The following KIZ variants were observed in gnomAD, a reference collection of about 807,000 sequenced individuals.
The protein encoded by KIZ is kizuna centrosomal protein, also known as centrosomal protein kizuna.
A neutral mutation model predicts 79.6 loss-of-function variants in KIZ; 68 were observed. That is an observed-to-expected ratio of 0.85 (90% CI 0.70 to 1.05). KIZ has a LOEUF of 1.05. KIZ is among the 50% of genes least tolerant of loss of function. KIZ has a pLI of 0.00. For missense variants in KIZ, 797 were observed against 800.4 expected, an observed-to-expected ratio of 1.00 and a Z score of 0.05; for synonymous variants, 280 against 281.8, an observed-to-expected ratio of 0.99 and a Z score of 0.06.
chr20:21,187,937 C>T (rs914681563), intron 6 of KIZ, among the ~76,000 whole-genome samples: 38 of 152,314 alleles, frequency 2.5e-4, no homozygotes, highest in Non-Finnish European at 5.1e-4. Flanking sequence ...CATTTACCCT[C>T]GTTGGGCCTC....
intron 4 of KIZ, among the ~76,000 whole-genome samples, chr20:21,147,961 T>TTG (rs61333547): frequency 0.17 from 24,470 of 141,014 alleles, 3,850 homozygotes; most frequent in African/African-American, 0.42. Context: ...CTCCTGGAAT[T>TTG]TGTGTGTGTG....
At chr20:21,205,862 G>A (rs772035652) in intron 7 of KIZ, among the ~76,000 whole-genome samples, 6 of 151,732 alleles carry the variant, frequency 4.0e-5, no homozygotes, top group East Asian at 3.9e-4. Context: ...TTGGGAGGCC[G>A]AGGCAGGAGA....
chr20:21,235,589 T>C (rs2036977493), intron 11 of KIZ, among the ~76,000 whole-genome samples: 1 of 152,158 alleles, frequency 6.6e-6, no homozygotes, highest in African/African-American at 2.4e-5. Context: ...CAGCAAGCGG[T>C]TTTCACTCTC....
chr20:21,239,719 C>G (rs1330630893), intron 11 of KIZ, among the ~76,000 whole-genome samples: 1 of 152,196 alleles, frequency 6.6e-6, no homozygotes, highest in African/African-American at 2.4e-5. Flanking sequence ...TTACTGTTTT[C>G]CATAGTGCAC....
intron 6 of KIZ, among the ~76,000 whole-genome samples, chr20:21,191,718 G>T (rs567997764): frequency 6.6e-6 from 1 of 152,116 alleles, no homozygotes; most frequent in Non-Finnish European, 1.5e-5. Context: ...AAGAGAACAG[G>T]GGGGGAAGCA....
intron 6 of KIZ, among the ~76,000 whole-genome samples, chr20:21,183,959 A>G (rs76845138): frequency 0.014 from 2,085 of 152,148 alleles, 56 homozygotes; most frequent in African/African-American, 0.048. Context: ...TGACCACATC[A>G]TATGCCCATC....
chr20:21,188,887 T>C (rs904407212), intron 6 of KIZ, among the ~76,000 whole-genome samples: 14 of 151,954 alleles, frequency 9.2e-5, no homozygotes, highest in Admixed American at 1.3e-4. Context: ...TGTGTGTTTT[T>C]TTGGTAGAGA....
intron 1 of KIZ, among the ~76,000 whole-genome samples, chr20:21,128,595 A>C (rs940596573): frequency 6.6e-6 from 1 of 152,206 alleles, no homozygotes. Flanking sequence ...TATCGTCTGA[A>C]TGTTTTCCTA....
At chr20:21,181,339 T>C (rs888665642) in intron 6 of KIZ, among the ~76,000 whole-genome samples, 1 of 152,216 alleles carries the variant, frequency 6.6e-6, no homozygotes, top group Non-Finnish European at 1.5e-5. Flanking sequence ...TTAACTCAGA[T>C]TTTTTAAAAG....
intron 3 of KIZ, among the ~76,000 whole-genome samples, chr20:21,137,778 T>C (rs78012171): frequency 0.021 from 3,169 of 152,166 alleles, 106 homozygotes; most frequent in African/African-American, 0.071. Context: ...TAAAAATGAT[T>C]CCACAATTTG....
intron 6 of KIZ, among the ~76,000 whole-genome samples, chr20:21,182,800 CAA>C (rs763359536): frequency 0.022 from 1,845 of 82,596 alleles, 46 homozygotes; most frequent in African/African-American, 0.068. Flanking sequence ...GTCCCCCCAC[CAA>C]AAAAAAAAAA....
At position 21,161,864 on chromosome 20, in the gene KIZ, G is replaced by C. The variant is rs2033675661; in HGVS notation, c.406-7G>C. ...ATGTTTAACTCACATCTCTTTTGGT[G>C]TTGCAGGTTGCAGTGCACGAGGGGA... On this transcript the variant is annotated splice_region_variant and splice_polypyrimidine_tract_variant and intron_variant, in intron 4 of 12. Transcript: ENST00000619189. The C allele has an allele frequency of 3.1e-6, 5 of 1,599,574 alleles. No individual in the cohort carries two copies. Among genetic ancestry groups the C allele is most frequent in the Admixed American group, 1.7e-5 (1 of 59,354 alleles).
intron 5 of KIZ, 159 bp downstream of exon 5, chr20:21,162,666 C>T (rs1043802010): frequency 6.4e-6 from 5 of 783,948 alleles, no homozygotes; most frequent in Non-Finnish European, 1.0e-5. Flanking sequence ...AGTGAATTTG[C>T]TGATTTTTAA....
chr20:21,163,095 A>T lies in KIZ; in HGVS notation c.1288A>T (p.Ile430Phe). The T allele has an allele frequency of 6.2e-7, 1 of 1,613,806 alleles. No homozygotes were observed. Among genetic ancestry groups the T allele is most frequent in the Non-Finnish European group, 8.5e-7 (1 of 1,179,746 alleles). Residue 430 changes from isoleucine to phenylalanine, a missense_variant, in exon 6 of 13, where the codon ATT (isoleucine) becomes TTT (phenylalanine). Ile to Phe is a conservative substitution (Grantham distance 21). Transcript: ENST00000619189. ...RVALSTEKNC[I>F]LQTLSSPDSE... ...TGCCCTATCCACTGAAAAAAATTGT[A>T]TTTTGCAAACCCTAAGCTCTCCTGA...
At chr20:21,166,905 G>A (rs1026217298) in intron 6 of KIZ, among the ~76,000 whole-genome samples, 2 of 152,214 alleles carry the variant, frequency 1.3e-5, no homozygotes, top group African/African-American at 4.8e-5. Context: ...AAGCCAGAGA[G>A]ATTTAAAGCA....
rs2036206062 is a variant in KIZ, at chr20:21,214,530, T to A, written c.1447-5T>A. ...TTTCTTTGTGCTTTTTTTGAAACACTGTAGGCAACAGCATTATTGAGAAAA... is the reference window on the plus strand; with the variant it reads ...TTTCTTTGTGCTTTTTTTGAAACACAGTAGGCAACAGCATTATTGAGAAAA... On this transcript the variant is annotated splice_polypyrimidine_tract_variant and splice_region_variant and intron_variant, in intron 7 of 12. Coordinates refer to ENST00000619189, the MANE Select transcript of KIZ (RefSeq NM_018474.6). 6.2e-7 allele frequency: 1 copy of A among 1,609,600 alleles called. No individual in the cohort carries two copies. The highest frequency in any genetic ancestry group is 1.3e-5 in the African/African-American group (1 of 74,868).
Position 21,229,173 on chromosome 20 carries a change from C to G in KIZ, c.1783+58C>G, listed in dbSNP as rs200016419. 19 of 960,026 alleles carry G rather than the reference C, an allele frequency of 2.0e-5. No homozygotes were observed. In the South Asian group the frequency reaches 2.6e-4, roughly 13 times the overall value. The allele number at this position is 960,026 out of a possible 1,614,324, so 59.5% of individuals were successfully genotyped here. On this transcript the variant is annotated intron_variant, in intron 10 of 12. Coordinates refer to ENST00000619189, the MANE Select transcript of KIZ (RefSeq NM_018474.6). ...CCAGAGTGGCAGGCAGGGCTGTGTTCGGGGAAGGGTGGTTATTCTTTATGA... is the reference window on the plus strand; with the variant it reads ...CCAGAGTGGCAGGCAGGGCTGTGTTGGGGGAAGGGTGGTTATTCTTTATGA...
At chr20:21,227,804 T>C (rs899689018) in intron 9 of KIZ, among the ~76,000 whole-genome samples, 1 of 152,180 alleles carries the variant, frequency 6.6e-6, no homozygotes, top group Non-Finnish European at 1.5e-5. Context: ...TACTTTCCCC[T>C]CTGTATGCAC....
rs2122702014 is a variant in KIZ at position 21,162,945 on chromosome 20, A to G, written c.1138A>G (p.Ile380Val). 7 of 1,613,792 alleles carry G rather than the reference A, an allele frequency of 4.3e-6. No homozygotes were observed. The highest frequency in any genetic ancestry group is 5.9e-6 in the Non-Finnish European group (7 of 1,179,766). Reference sequence around the variant, plus strand: ...TTGGAGCACCAGCAGTGACCTTACCATTTCAATAAGTGAAGATGATCTGAT... The same window carrying G: ...TTGGAGCACCAGCAGTGACCTTACCGTTTCAATAAGTGAAGATGATCTGAT... ...ESWSTSSDLT[I>V]SISEDDLILE... Residue 380 changes from isoleucine (I) to valine (V), a missense_variant, in exon 6 of 13, where the codon ATT becomes GTT. Ile to Val is a conservative substitution (Grantham distance 29). Transcript: ENST00000619189.
Sources: gnomAD v4.1 joint callset for allele counts (sites outside exome capture counted in the v4.1 genomes callset) on GRCh38, gnomAD v4.1.1 for gene constraint, MANE v1.5 for transcripts, NCBI Gene and HGNC (gene_info 2026-07-23, HGNC 2026-07-21) for gene names.